FABP12: variants seen among roughly 807,000 people sequenced by gnomAD.
FABP12 encodes the protein fatty acid binding protein 12, also known as fatty acid-binding protein 12.
FABP12 carries 19 observed loss-of-function variants against 13.7 expected under a neutral mutation model. That is an observed-to-expected ratio of 1.39 (90% CI 0.97 to 2.04). The LOEUF (loss-of-function observed/expected upper bound fraction) is 2.04. Ranked by LOEUF, FABP12 falls within the 30% of genes most tolerant of loss-of-function variation. The probability of loss-of-function intolerance (pLI) is 0.00; values close to 1 mark genes in which losing one functional copy is unlikely to be tolerated. For synonymous variants in FABP12, 61 were observed against 57.0 expected (o/e 1.07, Z -0.32); for missense variants, 182 against 164.2 (o/e 1.11, Z -0.59).
chr8:81,560,665 GA>G (rs1809707366), intron 1 of FABP12, among the ~76,000 whole-genome samples: 1 of 152,146 alleles, frequency 6.6e-6, no homozygotes, highest in Non-Finnish European at 1.5e-5. Context: ...AGTTCCTCAA[GA>G]ACTCTGTAGG....
intron 1 of FABP12, among the ~76,000 whole-genome samples, chr8:81,568,142 A>AG (rs1454467430): frequency 6.6e-6 from 1 of 152,076 alleles, no homozygotes; most frequent in African/African-American, 2.4e-5. Flanking sequence ...AAAAAAAAAA[A>AG]AAAGTTTCCA....
intron 1 of FABP12, among the ~76,000 whole-genome samples, chr8:81,574,918 T>G (rs1810007831): frequency 6.9e-6 from 1 of 145,916 alleles, no homozygotes; most frequent in Admixed American, 6.8e-5. Context: ...TTCATTTATC[T>G]TTTGTATTTT....
At chr8:81,541,550 AC>A (rs1809343150) in intron 1 of FABP12, among the ~76,000 whole-genome samples, 1 of 152,050 alleles carries the variant, frequency 6.6e-6, no homozygotes, top group African/African-American at 2.4e-5. Flanking sequence ...GCATGGTAAC[AC>A]CCCTGATGAG....
intron 1 of FABP12, among the ~76,000 whole-genome samples, chr8:81,557,072 A>T (rs1809633433): frequency 6.6e-6 from 1 of 151,744 alleles, no homozygotes. Context: ...ACGGAGTTTC[A>T]CTATGTTGGC....
At chr8:81,533,097 C>G (rs929809384) in intron 1 of FABP12, 1 of 152,166 alleles carries the variant, frequency 6.6e-6, no homozygotes, top group African/African-American at 2.4e-5. Flanking sequence ...TTGAAGATGT[C>G]GTATTGGGAG....
At chr8:81,542,363 G>T (rs1203333329) in intron 1 of FABP12, among the ~76,000 whole-genome samples, 1 of 152,100 alleles carries the variant, frequency 6.6e-6, no homozygotes, top group Admixed American at 6.5e-5. Context: ...CACTCACCTT[G>T]GGGCATCTTG....
chr8:81,565,398 C>T (rs975556049), intron 1 of FABP12, among the ~76,000 whole-genome samples: 3 of 152,042 alleles, frequency 2.0e-5, no homozygotes, highest in Non-Finnish European at 4.4e-5. Flanking sequence ...TCTTCCCCAG[C>T]ACATGGATCA....
intron 1 of FABP12, among the ~76,000 whole-genome samples, chr8:81,558,083 C>T (rs757456696): frequency 2.9e-4 from 44 of 152,280 alleles, no homozygotes; most frequent in Admixed American, 1.8e-3. Flanking sequence ...CAAACAGACA[C>T]GAAGATTGCA....
intron 1 of FABP12, among the ~76,000 whole-genome samples, chr8:81,566,213 T>A (rs952344418): frequency 6.6e-6 from 1 of 152,012 alleles, no homozygotes; most frequent in Non-Finnish European, 1.5e-5. Flanking sequence ...GACCCGATGG[T>A]GTCACTGTGA....
At chr8:81,573,861 CTT>C (rs1809979199) in intron 1 of FABP12, among the ~76,000 whole-genome samples, 1 of 152,028 alleles carries the variant, frequency 6.6e-6, no homozygotes, top group African/African-American at 2.4e-5. Context: ...CTGGAGGAGT[CTT>C]TGTGGTTTAC....
At chr8:81,567,466 G>T (rs895904041) in intron 1 of FABP12, among the ~76,000 whole-genome samples, 3 of 152,144 alleles carry the variant, frequency 2.0e-5, no homozygotes, top group African/African-American at 7.2e-5. Flanking sequence ...CAGACACATA[G>T]ACCAGTGGGA....
intron 1 of FABP12, among the ~76,000 whole-genome samples, chr8:81,551,872 CTCAT>C (rs558718602): frequency 2.0e-5 from 3 of 152,048 alleles, no homozygotes; most frequent in Non-Finnish European, 4.4e-5. Flanking sequence ...AAGTGTTCAT[CTCAT>C]TCATTCATTC....
intron 1 of FABP12, among the ~76,000 whole-genome samples, chr8:81,567,520 C>T (rs1809846891): frequency 6.6e-6 from 1 of 152,082 alleles, no homozygotes; most frequent in Non-Finnish European, 1.5e-5. Flanking sequence ...AGAGTAAACT[C>T]CTATTTGACA....
At chr8:81,541,350 C>A (rs918521628) in intron 1 of FABP12, among the ~76,000 whole-genome samples, 2 of 152,052 alleles carry the variant, frequency 1.3e-5, no homozygotes, top group Non-Finnish European at 2.9e-5. Context: ...TTTAAACATA[C>A]AATAAAATTT....
chr8:81,543,143 T>A (rs1023975024), intron 1 of FABP12, among the ~76,000 whole-genome samples: 4 of 152,202 alleles, frequency 2.6e-5, no homozygotes, highest in Non-Finnish European at 5.9e-5. Context: ...GTAAAAGACA[T>A]TGTCATTGAA....
exon 1 of FABP12, among the ~76,000 whole-genome samples, chr8:81,533,910 C>A (rs984861016): frequency 6.6e-6 from 1 of 152,126 alleles, no homozygotes; most frequent in Non-Finnish European, 1.5e-5. Context: ...TCTGACGGAA[C>A]CTGGCTCATA....
intron 1 of FABP12, among the ~76,000 whole-genome samples, chr8:81,589,321 C>T (rs1033533492): frequency 3.9e-5 from 6 of 152,090 alleles, no homozygotes; most frequent in African/African-American, 1.4e-4. Flanking sequence ...CTTTGGGAGG[C>T]CAAGGATTAA....
In FABP12 at chr8:81,566,159, T is replaced by C. The variant is rs557611123; in HGVS notation, c.-185+23894A>G. Reference sequence around the variant, plus strand: ...AATAGACCAATAACAGGTAACAAGATAGAAGCCATAATAAAAAGTCTTCCA... The same window carrying C: ...AATAGACCAATAACAGGTAACAAGACAGAAGCCATAATAAAAAGTCTTCCA... On this transcript the variant is annotated intron_variant, in intron 1 of 5. Coordinates refer to the FABP12 transcript ENST00000692030. 5.3e-5 allele frequency among the ~76,000 whole-genome samples: 8 copies of C among 152,094 alleles called. No individual in the cohort carries two copies. In the South Asian group the frequency reaches 1.5e-3, roughly 28 times the overall value.
intron 1 of FABP12, among the ~76,000 whole-genome samples, chr8:81,564,691 G>C (rs966307985): frequency 6.6e-6 from 1 of 151,922 alleles, no homozygotes; most frequent in African/African-American, 2.4e-5. Flanking sequence ...TGTAACAACA[G>C]ATGCACAAAA....
Sources: allele counts gnomAD v4.1 joint callset (sites outside exome capture counted in the v4.1 genomes callset), GRCh38; gene constraint gnomAD v4.1.1; transcripts MANE v1.5; gene names NCBI Gene and HGNC (gene_info 2026-07-23, HGNC 2026-07-21).